Variants in LATS2 observed in about 807,000 individuals in gnomAD.
The protein encoded by LATS2 is large tumor suppressor kinase 2.
In LATS2, 24 loss-of-function variants were observed where a neutral mutation model predicts 76.0. The ratio of observed to expected loss-of-function variants is 0.32; its 90% CI spans 0.23 to 0.44. The LOEUF (loss-of-function observed/expected upper bound fraction) is 0.44, where lower values mean the gene tolerates loss of function less well. Among genes scored for constraint, LATS2 ranks in the 20% least tolerant of loss-of-function variants. The pLI, the probability that LATS2 is intolerant of heterozygous loss-of-function variation, is 1.00. For missense variants in LATS2, 1,286 were observed against 1,481.2 expected, an observed-to-expected ratio of 0.87 and a Z score of 2.16; for synonymous variants, 692 against 635.4, an observed-to-expected ratio of 1.09 and a Z score of -1.34.
At chr13:20,977,401 A>T (rs1271390210) in intron 7 of LATS2, among the ~76,000 whole-genome samples, 1 of 151,812 alleles carries the variant, frequency 6.6e-6, no homozygotes, top group African/African-American at 2.4e-5. Flanking sequence ...AAAAAAAAAA[A>T]AAGTCCTAAG....
At position 21,046,165 on chromosome 13, in the gene LATS2, C is replaced by T; in HGVS notation, c.-139G>A. 1 of 704,130 alleles carries T rather than the reference C, an allele frequency of 1.4e-6. No individual in the cohort carries two copies. 43.6% of individuals were successfully genotyped at this position (704,130 alleles called of 1,614,324 possible). The stretch of plus-strand genomic sequence containing the variant: ...TCCTTTTGAAAATGTTCTTTCCTTC[C>T]ATTTTTGTAGTTCCTATAGAGAACC... On this transcript the variant is annotated 5_prime_UTR_variant, in exon 2 of 8. It removes an upstream start codon present in the reference 5' UTR. Coordinates refer to ENST00000382592, the MANE Select transcript of LATS2 (RefSeq NM_014572.3).
At chr13:21,048,443 A>G (rs899338621) in intron 1 of LATS2, among the ~76,000 whole-genome samples, 1 of 152,238 alleles carries the variant, frequency 6.6e-6, no homozygotes, top group Non-Finnish European at 1.5e-5. Flanking sequence ...GCCTGACAAT[A>G]CGCAGAGAGT....
At chr13:20,999,635 T>G (rs982411874) in intron 2 of LATS2, among the ~76,000 whole-genome samples, 12 of 152,014 alleles carry the variant, frequency 7.9e-5, no homozygotes, top group Admixed American at 4.6e-4. Context: ...TTTAAAAAAT[T>G]TTTTTGTAGA....
At chr13:21,027,211 T>C (rs537578956) in intron 2 of LATS2, among the ~76,000 whole-genome samples, 4 of 152,370 alleles carry the variant, frequency 2.6e-5, no homozygotes, top group Non-Finnish European at 4.4e-5. Flanking sequence ...ACTTTTCATT[T>C]TGTAAACATC....
At chr13:20,996,671 G>A (rs1413932768) in intron 2 of LATS2, among the ~76,000 whole-genome samples, 5 of 152,056 alleles carry the variant, frequency 3.3e-5, no homozygotes, top group African/African-American at 1.2e-4. Flanking sequence ...GTGAGCCACC[G>A]TGCCTGGGCT....
Position 20,988,933 on chromosome 13 carries a change from T to A in LATS2, c.847A>T (p.Thr283Ser). 1 of 1,525,764 alleles carries A rather than the reference T, an allele frequency of 6.6e-7. No individual in the cohort carries two copies. Among genetic ancestry groups the A allele is most frequent in the Non-Finnish European group, 8.8e-7 (1 of 1,140,238 alleles). The allele number at this position is 1,525,764 out of a possible 1,614,324, so 94.5% of individuals were successfully genotyped here. A position where few individuals can be genotyped will look rare whatever the true frequency, so the allele number is the denominator to read the frequency against. ...GTGGGCAGGCTGGCGTAACCCCCGG[T>A]CTCCGGCGGCGTCTTGCTCTGGAAG... is the stretch of plus-strand genomic sequence containing the variant. ...PSFQSKTPPE[T>S]GGYASLPTKG... The change falls in exon 4 of 8, where the codon ACC becomes TCC. Residue 283 changes from threonine to serine, a missense_variant. Thr to Ser is a moderately conservative substitution (Grantham distance 58, BLOSUM62 1). Transcript: ENST00000382592.
intron 2 of LATS2, among the ~76,000 whole-genome samples, chr13:21,036,836 T>G (rs1428201557): frequency 6.6e-6 from 1 of 152,154 alleles, no homozygotes; most frequent in Non-Finnish European, 1.5e-5. Flanking sequence ...TGACAGTTGC[T>G]TCTAGTTTTT....
At chr13:21,050,800 A>G (rs1873247502) in intron 1 of LATS2, among the ~76,000 whole-genome samples, 1 of 152,206 alleles carries the variant, frequency 6.6e-6, no homozygotes, top group Non-Finnish European at 1.5e-5. Flanking sequence ...AGAGACTGTA[A>G]AAAGGCACCC....
At position 20,973,736 on chromosome 13, in the gene LATS2, G is replaced by GT. The variant is rs1425074803; in HGVS notation, c.*1133dup. On this transcript the variant is annotated 3_prime_UTR_variant, in exon 8 of 8. Coordinates refer to ENST00000382592, the MANE Select transcript of LATS2 (RefSeq NM_014572.3). ...CATTAGATCACTCAGTTTCCTGACA[G>GT]TAACAGAAGAAAACAGGACTAAGAA... is the stretch of plus-strand genomic sequence containing the variant. The GT allele has an allele frequency of 4.3e-6, 1 of 229,988 alleles. No individual in the cohort carries two copies. The highest frequency in any genetic ancestry group is 8.6e-6 in the Non-Finnish European group (1 of 116,000). 14.2% of individuals were successfully genotyped at this position (229,988 alleles called of 1,614,324 possible). A position where few individuals can be genotyped will look rare whatever the true frequency, so the allele number is the denominator to read the frequency against.
chr13:21,060,730 C>T (rs1339002277), intron 1 of LATS2, among the ~76,000 whole-genome samples: 5 of 151,436 alleles, frequency 3.3e-5, no homozygotes, highest in African/African-American at 1.2e-4. Context: ...GGTCCGTCGG[C>T]TCGCGGGACG....
Position 20,973,482 on chromosome 13 carries a change from C to G in LATS2, c.*1388G>C, listed in dbSNP as rs917925113. The G allele has an allele frequency of 8.6e-6, 2 of 231,724 alleles. No homozygotes were observed. The highest frequency in any genetic ancestry group is 4.4e-5 in the African/African-American group (2 of 44,994). 14.4% of individuals were successfully genotyped at this position (231,724 alleles called of 1,614,324 possible). A position where few individuals can be genotyped will look rare whatever the true frequency, so the allele number is the denominator to read the frequency against. ...TAAATCACTTTAAATAGGAATCATA[C>G]TAATTTGAAATAAGGAATATTGTGT... On this transcript the variant is annotated 3_prime_UTR_variant, in exon 8 of 8. Transcript: ENST00000382592.
chr13:20,987,171 G>T (rs1468334372), intron 4 of LATS2, among the ~76,000 whole-genome samples: 1 of 151,832 alleles, frequency 6.6e-6, no homozygotes, highest in African/African-American at 2.4e-5. Context: ...CTCCAGCCTG[G>T]GTGACAGAGC....
chr13:20,975,388 GGTTAGTTTCTCC>G, intron 7 of LATS2, 24 bp from the exon 8 acceptor site: 1 of 1,525,484 alleles, frequency 6.6e-7, no homozygotes, highest in Non-Finnish European at 8.8e-7. Context: ...AGAGCCAACA[GGTTAGTTTCTCC>G]TCACATCTTG....
intron 2 of LATS2, among the ~76,000 whole-genome samples, chr13:21,044,567 T>A (rs760905234): frequency 3.9e-5 from 6 of 152,236 alleles, no homozygotes; most frequent in Admixed American, 6.5e-5. Context: ...TACATTTCAC[T>A]AATTACATTT....
At chr13:21,024,093 C>CAAAAAAAAAAAAAAAAAAAA (rs748881098) in intron 2 of LATS2, among the ~76,000 whole-genome samples, 1 of 79,246 alleles carries the variant, frequency 1.3e-5, no homozygotes, top group Non-Finnish European at 2.7e-5. Context: ...TCTCGCTGTG[C>CAAAAAAAAAAAAAAAAAAAA]AAAAAAAAAA....
chr13:21,051,226 T>G (rs2138413688), intron 1 of LATS2, among the ~76,000 whole-genome samples: 1 of 152,322 alleles, frequency 6.6e-6, no homozygotes, highest in Admixed American at 6.5e-5. Context: ...CCTTGAGCAG[T>G]GCACAACCTG....
intron 2 of LATS2, among the ~76,000 whole-genome samples, chr13:21,039,571 T>G (rs1028330791): frequency 6.6e-6 from 1 of 152,184 alleles, no homozygotes; most frequent in Admixed American, 6.5e-5. Context: ...GGTGAGGGTT[T>G]TGGCTGGACT....
chr13:20,973,478 C>G lies in LATS2; in HGVS notation c.*1392G>C. ...AATATAAATCACTTTAAATAGGAAT[C>G]ATACTAATTTGAAATAAGGAATATT... On this transcript the variant is annotated 3_prime_UTR_variant, in exon 8 of 8. Transcript: ENST00000382592. 1 of 232,216 alleles carries G rather than the reference C, an allele frequency of 4.3e-6. No individual in the cohort carries two copies. The highest frequency in any genetic ancestry group is 2.2e-5 in the African/African-American group (1 of 45,254). The allele number at this position is 232,216 out of a possible 1,614,324, so 14.4% of individuals were successfully genotyped here. A position where few individuals can be genotyped will look rare whatever the true frequency, so the allele number is the denominator to read the frequency against.
chr13:20,983,522 C>T lies in LATS2; in HGVS notation c.2184G>A (p.Val728=), dbSNP rs1234369173. The part of the protein sequence containing the change: ...DILAEADNEW[V]VKLYYSFQDK... ...CTTGGAAGGAGTAGTAGAGTTTGAC[C>T]ACCCACTCATTGTCTGCCTCGGCCA... The change falls in exon 5 of 8, where the codon GTG becomes GTA. Residue 728 remains valine (V), a synonymous_variant. Transcript: ENST00000382592. The T allele has an allele frequency of 6.2e-7, 1 of 1,614,124 alleles. No individual in the cohort carries two copies. Among genetic ancestry groups the T allele is most frequent in the Admixed American group, 1.7e-5 (1 of 60,006 alleles).
Sources: gnomAD v4.1 joint callset for allele counts (sites outside exome capture counted in the v4.1 genomes callset) on GRCh38, gnomAD v4.1.1 for gene constraint, MANE v1.5 for transcripts, NCBI Gene and HGNC (gene_info 2026-07-23, HGNC 2026-07-21) for gene names.